Variants in ARHGEF4 observed in about 807,000 individuals in gnomAD.
ARHGEF4 encodes the protein APC-stimulated guanine nucleotide exchange factor 1.
Under a neutral mutation model 162.0 loss-of-function variants are expected in ARHGEF4, and 119 were observed. The observed-to-expected ratio is 0.73, with a 90% CI of 0.63 to 0.86. The LOEUF (loss-of-function observed/expected upper bound fraction) is 0.86. Among genes scored for constraint, ARHGEF4 ranks in the 40% least tolerant of loss-of-function variants. The pLI is 0.00. For missense variants in ARHGEF4, 2,488 were observed against 2,456.0 expected (o/e 1.01, Z -0.28); for synonymous variants, 1,014 against 979.9 (o/e 1.03, Z -0.65).
chr2:130,883,651 G>T (rs1047237626), intron 1 of ARHGEF4, among the ~76,000 whole-genome samples: 3 of 152,150 alleles, frequency 2.0e-5, no homozygotes, highest in Non-Finnish European at 4.4e-5. Context: ...AGAGCCAGGG[G>T]CAGGGCCCAC....
At position 130,916,020 on chromosome 2, in the gene ARHGEF4, C is replaced by T; in HGVS notation, c.2074C>T (p.Pro692Ser). The T allele has an allele frequency of 6.4e-7, 1 of 1,550,426 alleles. No individual in the cohort carries two copies. Among genetic ancestry groups the T allele is most frequent in the Non-Finnish European group, 8.7e-7 (1 of 1,146,926 alleles). ...KTPAGNECEL[P>S]AAPIQGAGDG... ...ACCAGCCGGTAATGAGTGTGAGTTG[C>T]CAGCAGCCCCCATACAGGGAGCTGG... The change falls in exon 2 of 14, where the codon CCA (proline) becomes TCA (serine). Residue 692 changes from proline (P) to serine (S), a missense_variant. By Grantham distance (74) the Pro-to-Ser change is moderately conservative. This residue lies in a region of ARHGEF4 where 1,642 missense variants were observed against 1,481.5 expected (regional missense o/e 1.11). Transcript: ENST00000409359.
At chr2:130,917,761 T>C (rs1422009108) in intron 2 of ARHGEF4, among the ~76,000 whole-genome samples, 1 of 152,222 alleles carries the variant, frequency 6.6e-6, no homozygotes, top group Non-Finnish European at 1.5e-5. Context: ...GAATTTTCTT[T>C]TGTATGAACT....
chr2:130,848,813 G>T (rs1178407869), intron 1 of ARHGEF4, among the ~76,000 whole-genome samples: 1 of 152,220 alleles, frequency 6.6e-6, no homozygotes, highest in Non-Finnish European at 1.5e-5. Context: ...CAGGGCACAG[G>T]AGACAGGCCT....
intron 1 of ARHGEF4, among the ~76,000 whole-genome samples, chr2:130,852,588 T>A (rs1475052026): frequency 6.6e-6 from 1 of 151,290 alleles, no homozygotes; most frequent in Non-Finnish European, 1.5e-5. Flanking sequence ...GTGGGGTGGG[T>A]TGGGGGAGCC....
intron 2 of ARHGEF4, among the ~76,000 whole-genome samples, chr2:130,925,341 T>C (rs1258456066): frequency 2.0e-5 from 3 of 152,124 alleles, no homozygotes; most frequent in Non-Finnish European, 4.4e-5. Context: ...CACACAAATA[T>C]ACCCACCAAT....
At chr2:130,856,733 AC>A (rs1353452496) in intron 1 of ARHGEF4, among the ~76,000 whole-genome samples, 1 of 152,244 alleles carries the variant, frequency 6.6e-6, no homozygotes, top group Non-Finnish European at 1.5e-5. Context: ...CAGCACACCA[AC>A]ATGGCGCATG....
chr2:131,000,665 AT>A lies in ARHGEF4; in HGVS notation c.3986-27275del, dbSNP rs1687701886. On this transcript the variant is annotated intron_variant, in intron 4 of 13. Transcript: ENST00000409359. ...ATGCCAATTTTACCATTATGTGTAC[AT>A]TTTTAGGAGTTGACGTATTTTATCT... Among the ~76,000 whole-genome samples, 4 of 152,286 alleles carry A rather than the reference AT, an allele frequency of 2.6e-5. No homozygotes were observed. The South Asian group carries it at 6.2e-4, about 24-fold the overall frequency.
chr2:131,038,925 G>A lies in ARHGEF4; in HGVS notation c.4198G>A (p.Gly1400Ser). 6.2e-7 allele frequency: 1 copy of A among 1,613,736 alleles called. No individual in the cohort carries two copies. Among genetic ancestry groups the A allele is most frequent in the Non-Finnish European group, 8.5e-7 (1 of 1,180,014 alleles). Reference sequence around the variant, plus strand: ...TGTCACCATGGACGACCAGGAGCTGGGCTTCAAAGCTGGGGACGTCATCGA... The same window carrying A: ...TGTCACCATGGACGACCAGGAGCTGAGCTTCAAAGCTGGGGACGTCATCGA... Reference protein sequence around the residue: ...DHVTMDDQELGFKAGDVIEVM... With the variant: ...DHVTMDDQELSFKAGDVIEVM... The change falls in exon 6 of 14, where the codon GGC (glycine) becomes AGC (serine). Residue 1400 changes from glycine to serine, a missense_variant. Gly to Ser is a moderately conservative substitution (Grantham distance 56, BLOSUM62 0). This residue lies in a region of ARHGEF4 where 174 missense variants were observed against 148.3 expected (regional missense o/e 1.17). Transcript: ENST00000409359.
intron 2 of ARHGEF4, among the ~76,000 whole-genome samples, chr2:130,928,780 G>A (rs1682457166): frequency 6.6e-6 from 1 of 151,898 alleles, no homozygotes; most frequent in South Asian, 2.1e-4. Flanking sequence ...CTGCTCTTTT[G>A]GGAATACAAC....
intron 1 of ARHGEF4, among the ~76,000 whole-genome samples, chr2:130,900,447 A>T (rs919752190): frequency 6.6e-6 from 1 of 152,136 alleles, no homozygotes; most frequent in Admixed American, 6.5e-5. Context: ...CCTTAAGGTC[A>T]CTGATTCTGT....
rs1194203957 is a variant in ARHGEF4 at position 130,988,897 on chromosome 2, T to TAGAGAGAGAGAG, written c.3986-39047_3986-39046insGAGAGAGAGAGA. Among the ~76,000 whole-genome samples, 8 of 111,428 alleles carry TAGAGAGAGAGAG rather than the reference T, an allele frequency of 7.2e-5. No individual in the cohort carries two copies. The South Asian group carries it at 1.1e-3, about 16-fold the overall frequency. The allele number at this position is 111,428 out of a possible 152,430, so 73.1% of individuals were successfully genotyped here. On this transcript the variant is annotated intron_variant, in intron 4 of 13. Transcript: ENST00000409359. ...GTATATATATATATATATATATATA[T>TAGAGAGAGAGAG]ATATAGAGAGAGAGAGAGAGAGAGA...
At chr2:130,910,771 G>A (rs1443166378) in intron 1 of ARHGEF4, among the ~76,000 whole-genome samples, 2 of 152,140 alleles carry the variant, frequency 1.3e-5, no homozygotes, top group African/African-American at 4.8e-5. Context: ...CAAAAAATCA[G>A]TATCACACAG....
intron 1 of ARHGEF4, among the ~76,000 whole-genome samples, chr2:130,863,188 G>A (rs1265622429): frequency 1.8e-4 from 1 of 5,520 alleles, no homozygotes; most frequent in Non-Finnish European, 2.8e-4. Flanking sequence ...GGGAAAGGGT[G>A]GGAGAGGGCT....
chr2:131,027,695 C>T lies in ARHGEF4; in HGVS notation c.3986-250C>T, dbSNP rs551090652. 6.6e-4 allele frequency among the ~76,000 whole-genome samples: 100 copies of T among 152,292 alleles called. 1 individual carries two copies. Among genetic ancestry groups the T allele is most frequent in the Admixed American group, 1.2e-3 (18 of 15,294 alleles). The stretch of plus-strand genomic sequence containing the variant: ...GTGTGATGGTGAATACTTATGTTTC[C>T]TTGTCAGCCAAGTTGCTGTAGACTG... On this transcript the variant is annotated intron_variant, in intron 4 of 13. Transcript: ENST00000409359.
chr2:130,983,172 AG>A (rs1686242062), intron 4 of ARHGEF4, among the ~76,000 whole-genome samples: 1 of 152,344 alleles, frequency 6.6e-6, no homozygotes, highest in Admixed American at 6.5e-5. Flanking sequence ...CATTTTTAGC[AG>A]TTTATCTAGA....
At chr2:130,933,929 C>G (rs1322213944) in intron 3 of ARHGEF4, among the ~76,000 whole-genome samples, 2 of 152,100 alleles carry the variant, frequency 1.3e-5, no homozygotes, top group South Asian at 4.2e-4. Flanking sequence ...CTCTTTTATC[C>G]CTTACTTGCT....
At chr2:130,882,510 G>A (rs2104963460) in intron 1 of ARHGEF4, among the ~76,000 whole-genome samples, 1 of 152,076 alleles carries the variant, frequency 6.6e-6, no homozygotes, top group Admixed American at 6.5e-5. Flanking sequence ...TCCCACTCAT[G>A]AGGGCGACAC....
In ARHGEF4 at chr2:130,989,356, A is replaced by C. The variant is rs189511470; in HGVS notation, c.3986-38589A>C. Among the ~76,000 whole-genome samples, 274 of 152,326 alleles carry C rather than the reference A, an allele frequency of 1.8e-3. 1 individual carries two copies. The highest frequency in any genetic ancestry group is 6.4e-3 in the African/African-American group (264 of 41,564). ...GGTTTCTGATATAAATTTGAATGAG[A>C]TTTTGACTGTAGTTTTTTTAACCAT... On this transcript the variant is annotated intron_variant, in intron 4 of 13. Coordinates refer to ENST00000409359, the MANE Select transcript of ARHGEF4 (RefSeq NM_001367493.1).
rs960580048 is a variant in ARHGEF4, at chr2:130,868,281, T to C, written c.39+31289T>C. Among the ~76,000 whole-genome samples the C allele has an allele frequency of 2.0e-5, 3 of 152,058 alleles. 1 individual carries two copies. The South Asian group carries it at 6.2e-4, about 32-fold the overall frequency. Reference sequence around the variant, plus strand: ...CTGGGACTGGAGTCTCCTGGACGTCTTTTCCTTATGGAATAATTTCTTACA... The same window carrying C: ...CTGGGACTGGAGTCTCCTGGACGTCCTTTCCTTATGGAATAATTTCTTACA... On this transcript the variant is annotated intron_variant, in intron 1 of 13. Transcript: ENST00000409359.
Sources: allele counts gnomAD v4.1 joint callset (sites outside exome capture counted in the v4.1 genomes callset), GRCh38; gene constraint gnomAD v4.1.1; regional missense constraint gnomAD v4.1.1; transcripts MANE v1.5; gene names NCBI Gene and HGNC (gene_info 2026-07-23, HGNC 2026-07-21).